Variants in PKP1 observed in about 807,000 individuals in gnomAD.
PKP1 encodes the protein plakophilin-1.
In PKP1, 27 loss-of-function variants were observed where a neutral mutation model predicts 76.4. That is an observed-to-expected ratio of 0.35 (90% confidence interval 0.26 to 0.49). The LOEUF is 0.49. Among genes scored for constraint, PKP1 ranks in the 20% least tolerant of loss-of-function variants. The probability of loss-of-function intolerance (pLI) is 0.99; values close to 1 mark genes in which losing one functional copy is unlikely to be tolerated. For missense variants in PKP1, 964 were observed against 955.2 expected (o/e 1.01, Z -0.12); for synonymous variants, 404 against 384.2 (o/e 1.05, Z -0.60).
chr1:201,312,264 GT>G (rs1363788954), intron 2 of PKP1, among the ~76,000 whole-genome samples: 3 of 152,220 alleles, frequency 2.0e-5, no homozygotes, highest in Admixed American at 2.0e-4. Context: ...AAGATGAAGA[GT>G]TTAGCAGAAA....
chr1:201,328,975 C>T, intron 13 of PKP1, 107 bp downstream of exon 13: 1 of 784,246 alleles, frequency 1.3e-6, no homozygotes, highest in Non-Finnish European at 2.3e-6. Context: ...CAGAAGCATC[C>T]TTTTGCCTGG....
chr1:201,316,436 G>C (rs191304295), intron 3 of PKP1, 117 bp from the exon 4 acceptor site: 1 of 1,108,890 alleles, frequency 9.0e-7, no homozygotes, highest in East Asian at 2.6e-5. Context: ...GCCTTGTTCT[G>C]GCTCTCCAGA....
At chr1:201,310,388 G>A (rs573289953) in intron 2 of PKP1, among the ~76,000 whole-genome samples, 4 of 152,246 alleles carry the variant, frequency 2.6e-5, no homozygotes, top group Non-Finnish European at 4.4e-5. Context: ...CAACGACAAG[G>A]CCAGGCAGGC....
At position 201,328,498 on chromosome 1, in the gene PKP1, C is replaced by T. The variant is rs146142382; in HGVS notation, c.2107-264C>T. 695 of 544,574 alleles carry T rather than the reference C, an allele frequency of 1.3e-3. 6 individuals carry two copies. The highest frequency in any genetic ancestry group is 9.0e-3 in the African/African-American group (477 of 52,946). 33.7% of individuals were successfully genotyped at this position (544,574 alleles called of 1,614,324 possible). On this transcript the variant is annotated intron_variant, in intron 12 of 13. Coordinates refer to ENST00000367324, the MANE Select transcript of PKP1 (RefSeq NM_001005337.3). ...AAAATAATACTAGCCTAAATCCTCA[C>T]GCCTTGACTCAGGTTTCTGCAAATG...
At chr1:201,313,636 C>A in intron 3 of PKP1, 76 bp downstream of exon 3, 1 of 1,453,472 alleles carries the variant, frequency 6.9e-7, no homozygotes, top group Non-Finnish European at 9.4e-7. Flanking sequence ...CTGCACCCTG[C>A]AAAGGGCTCC....
At chr1:201,311,944 A>G (rs1384082473) in intron 2 of PKP1, among the ~76,000 whole-genome samples, 2 of 152,242 alleles carry the variant, frequency 1.3e-5, no homozygotes, top group Non-Finnish European at 2.9e-5. Context: ...CCAACCTCAC[A>G]GGCCCCTCCC....
At chr1:201,307,128 G>A (rs1259481835) in intron 2 of PKP1, among the ~76,000 whole-genome samples, 1 of 152,034 alleles carries the variant, frequency 6.6e-6, no homozygotes, top group Non-Finnish European at 1.5e-5. Context: ...ACCTGGGTGG[G>A]CACTGCTGGT....
chr1:201,326,513 AGGAGGTGGAAGAAAT>A (rs1380590148), intron 12 of PKP1, among the ~76,000 whole-genome samples: 1 of 152,250 alleles, frequency 6.6e-6, no homozygotes, highest in Non-Finnish European at 1.5e-5. Context: ...CATAAAGGAC[AGGAGGTGGAAGAAAT>A]GGAGCAGTGG....
Position 201,289,928 on chromosome 1 carries a change from A to G in PKP1, c.203-4014A>G, listed in dbSNP as rs184038711. On this transcript the variant is annotated intron_variant, in intron 1 of 13. Coordinates refer to ENST00000367324, the MANE Select transcript of PKP1 (RefSeq NM_001005337.3). The stretch of plus-strand genomic sequence containing the variant: ...GAGAAAGAATGTTTCAGGTGCAGTA[A>G]GTGTGACCTATTTGAAAGCTTGGAG... Among the ~76,000 whole-genome samples, 276 of 152,266 alleles carry G rather than the reference A, an allele frequency of 1.8e-3. 1 individual carries two copies. Among genetic ancestry groups the G allele is most frequent in the Middle Eastern group, 0.01 (3 of 294 alleles).
rs141683550 is a variant in PKP1 at position 201,306,485 on chromosome 1, G to A, written c.307-6681G>A. On this transcript the variant is annotated intron_variant, in intron 2 of 13. Coordinates refer to ENST00000367324, the MANE Select transcript of PKP1 (RefSeq NM_001005337.3). ...AAAGAAGCATCTTCCCAAAAGACCC[G>A]CAAGCTACAAAGTTTTATAGGATAT... Among the ~76,000 whole-genome samples, 642 of 152,298 alleles carry A rather than the reference G, an allele frequency of 4.2e-3. 6 individuals carry two copies. Among genetic ancestry groups the A allele is most frequent in the African/African-American group, 0.014 (592 of 41,558 alleles).
intron 1 of PKP1, among the ~76,000 whole-genome samples, chr1:201,289,892 T>G (rs1302207471): frequency 6.6e-6 from 1 of 151,346 alleles, no homozygotes; most frequent in East Asian, 1.9e-4. Context: ...AGGGGGAGGG[T>G]TGGAGAAGAA....
At position 201,317,618 on chromosome 1, in the gene PKP1, G is replaced by A; in HGVS notation, c.893G>A (p.Ser298Asn). ...GICKLVDLLRSPNQNVQQAAA... is the reference protein window; with the variant it reads ...GICKLVDLLRNPNQNVQQAAA... Reference sequence around the variant, plus strand: ...TGCAAGCTGGTGGACCTCCTCCGCAGCCCCAACCAGAACGTCCAGCAGGCC... The same window carrying A: ...TGCAAGCTGGTGGACCTCCTCCGCAACCCCAACCAGAACGTCCAGCAGGCC... Residue 298 changes from serine (S) to asparagine (N), a missense_variant, in exon 5 of 14, where the codon AGC (serine) becomes AAC (asparagine). Coordinates refer to ENST00000367324, the MANE Select transcript of PKP1 (RefSeq NM_001005337.3). 6.2e-7 allele frequency: 1 copy of A among 1,614,060 alleles called. No homozygotes were observed. The highest frequency in any genetic ancestry group is 8.5e-7 in the Non-Finnish European group (1 of 1,180,026).
chr1:201,320,528 C>T (rs1229721170), intron 7 of PKP1, 147 bp downstream of exon 7: 6 of 695,326 alleles, frequency 8.6e-6, no homozygotes, highest in Non-Finnish European at 1.6e-5. Context: ...TCAGTGGTGG[C>T]TACAGGAGTG....
At chr1:201,284,531 A>C (rs377099726) in intron 1 of PKP1, among the ~76,000 whole-genome samples, 3 of 152,326 alleles carry the variant, frequency 2.0e-5, no homozygotes, top group East Asian at 3.9e-4. Flanking sequence ...GGAAAGTGGC[A>C]CAGGGAGCAG....
chr1:201,287,780 G>A (rs1232612466), intron 1 of PKP1, among the ~76,000 whole-genome samples: 3 of 152,176 alleles, frequency 2.0e-5, no homozygotes, highest in African/African-American at 4.8e-5. Context: ...ACCATTGTAA[G>A]TATCATTGTG....
chr1:201,294,031 TC>T lies in PKP1; in HGVS notation c.293del (p.Ser98TyrfsTer99). The T allele has an allele frequency of 1.2e-6, 2 of 1,609,844 alleles. No homozygotes were observed. The highest frequency in any genetic ancestry group is 1.7e-6 in the Non-Finnish European group (2 of 1,176,222). On this transcript the variant is annotated frameshift_variant, in exon 2 of 14. Transcript: ENST00000367324. LOFTEE classifies it high-confidence loss of function. ...YYSKFQAGNG[S>X]WGYPIYNGTL... ...CTCCAAGTTCCAGGCAGGGAATGGC[TC>T]ATGGGGATATCCGGTAAGGAACTGC... is the stretch of plus-strand genomic sequence containing the variant.
intron 2 of PKP1, among the ~76,000 whole-genome samples, chr1:201,307,356 A>G (rs553852455): frequency 7.2e-5 from 11 of 152,300 alleles, no homozygotes; most frequent in East Asian, 1.9e-4. Flanking sequence ...TCAGAGAAGG[A>G]GCCGTGCCCA....
chr1:201,283,853 C>A lies in PKP1; in HGVS notation c.151C>A (p.Arg51=), dbSNP rs181972441. 7.4e-6 allele frequency: 12 copies of A among 1,614,178 alleles called. No individual in the cohort carries two copies. In the African/African-American group the frequency reaches 1.1e-4, roughly 14 times the overall value. ...GGAGCAGGTGATGATGACCGTCAAG[C>A]GGCAGAAGTCCAAGTCTTCCCAGTC... ...VQEQVMMTVK[R]QKSKSSQSST... Residue 51 remains arginine, a synonymous_variant, in exon 1 of 14, where the codon CGG becomes AGG. Transcript: ENST00000367324.
chr1:201,283,689 C>T lies in PKP1; in HGVS notation c.-14C>T, dbSNP rs780094239. ...TCCTAGGCCCCGGCCGCGCGCCACCCGCCTCCCGCCACCATGAACCACTCG... is the reference window on the plus strand; with the variant it reads ...TCCTAGGCCCCGGCCGCGCGCCACCTGCCTCCCGCCACCATGAACCACTCG... On this transcript the variant is annotated 5_prime_UTR_variant, in exon 1 of 14. Transcript: ENST00000367324. 5.0e-6 allele frequency: 8 copies of T among 1,611,318 alleles called. No homozygotes were observed. Among genetic ancestry groups the T allele is most frequent in the East Asian group, 2.2e-5 (1 of 44,600 alleles).
Sources: gnomAD v4.1 joint callset for allele counts (sites outside exome capture counted in the v4.1 genomes callset) on GRCh38, gnomAD v4.1.1 for gene constraint, MANE v1.5 for transcripts, NCBI Gene and HGNC (gene_info 2026-07-23, HGNC 2026-07-21) for gene names.